The following COX20 variants were observed in gnomAD, a reference collection of about 807,000 sequenced individuals.
The protein encoded by COX20 is cytochrome c oxidase assembly protein COX20, mitochondrial.
In COX20, 14 loss-of-function variants were observed where a neutral mutation model predicts 14.3. That is an observed-to-expected ratio of 0.98 (90% CI 0.65 to 1.53). The LOEUF is 1.53. COX20 is among the 40% of genes most tolerant of loss of function. The pLI is 0.00. For missense variants in COX20, 149 were observed against 142.1 expected, an observed-to-expected ratio of 1.05 and a Z score of -0.25; for synonymous variants, 56 against 51.7, an observed-to-expected ratio of 1.08 and a Z score of -0.36.
At chr1:244,842,493 A>G (rs1012714889) in intron 3 of COX20, 2 of 501,524 alleles carry the variant, frequency 4.0e-6, no homozygotes, top group Admixed American at 3.4e-5. Flanking sequence ...GAAAGCCTCA[A>G]CCATTTCCCT....
intron 1 of COX20, chr1:244,839,946 A>G (rs769232723): frequency 2.0e-5 from 3 of 152,188 alleles, no homozygotes; most frequent in Admixed American, 6.5e-5. Context: ...ATTAAAAAAC[A>G]TGTAGAGAGC....
At chr1:244,835,589 C>T (rs1385084293), upstream of COX20, 2 of 643,230 alleles carry the variant, frequency 3.1e-6, no homozygotes, top group Admixed American at 4.5e-5. Context: ...AAATGGCGGC[C>T]GGCGCGTCGG....
At chr1:244,840,377 C>G (rs1680151469) in intron 1 of COX20, 1 of 152,246 alleles carries the variant, frequency 6.6e-6, no homozygotes, top group Non-Finnish European at 1.5e-5. Context: ...CCCCAGCATC[C>G]CATCCTTGGG....
Position 244,842,077 on chromosome 1 carries a change from T to C in COX20, c.157+19T>C, listed in dbSNP as rs1680226243. ...TTCACTAGTGAGTATCTGTATTTTT[T>C]ATTTCTCTATGTACTAAAAAAAGCA... On this transcript the variant is annotated intron_variant, in intron 2 of 3. Coordinates refer to ENST00000411948, the MANE Select transcript of COX20 (RefSeq NM_198076.6). The C allele has an allele frequency of 1.3e-6, 2 of 1,559,650 alleles. No homozygotes were observed. Among genetic ancestry groups the C allele is most frequent in the Non-Finnish European group, 1.8e-6 (2 of 1,132,514 alleles).
chr1:244,835,582 TGGC>T (rs370216563), upstream of COX20: 41,362 of 582,182 alleles, frequency 0.071, 1,810 homozygotes, highest in Non-Finnish European at 0.085. Flanking sequence ...TTCCCTAAAA[TGGC>T]GGCCGGCGCG....
chr1:244,836,720 CTAATATATACT>C (rs1042109488), intron 1 of COX20, among the ~76,000 whole-genome samples: 2 of 152,106 alleles, frequency 1.3e-5, no homozygotes, highest in African/African-American at 4.8e-5. Flanking sequence ...TAAATGGCTC[CTAATATATACT>C]TAAGATATTC....
In COX20 at chr1:244,842,487, G is replaced by C. The variant is rs1369754609; in HGVS notation, c.221+229G>C. 12 of 504,612 alleles carry C rather than the reference G, an allele frequency of 2.4e-5. No individual in the cohort carries two copies. The East Asian group carries it at 3.5e-4, about 15-fold the overall frequency. 31.3% of individuals were successfully genotyped at this position (504,612 alleles called of 1,614,324 possible). ...TGGTTTTTACACTTCACTTAGGAAA[G>C]CCTCAACCATTTCCCTTACCCTAAT... On this transcript the variant is annotated intron_variant, in intron 3 of 3. Transcript: ENST00000411948.
At chr1:244,835,370 C>T (rs1010680402), upstream of COX20, 13 of 258,150 alleles carry the variant, frequency 5.0e-5, no homozygotes, top group Non-Finnish European at 7.3e-5. Context: ...AGGGGGCTGG[C>T]GCGGGAAGCG....
intron 1 of COX20, chr1:244,836,368 A>T (rs543997759): frequency 2.5e-4 from 199 of 792,870 alleles, no homozygotes; most frequent in Non-Finnish European, 3.8e-4. Context: ...AGCCCATCCT[A>T]TCTCTTTAAG....
At chr1:244,836,023 G>A (rs989383057) in intron 1 of COX20, among the ~76,000 whole-genome samples, 1 of 152,188 alleles carries the variant, frequency 6.6e-6, no homozygotes, top group African/African-American at 2.4e-5. Flanking sequence ...TAACAATACT[G>A]AATCTTTGGC....
At position 244,843,648 on chromosome 1, in the gene COX20, A is replaced by G. The variant is rs887536859; in HGVS notation, c.*472A>G. On this transcript the variant is annotated 3_prime_UTR_variant, in exon 4 of 4. Transcript: ENST00000411948. ...TGCAAATTATTTTTTAAATGCATTCATCATTTGACAGTGTTCTCTCATTTC... is the reference window on the plus strand; with the variant it reads ...TGCAAATTATTTTTTAAATGCATTCGTCATTTGACAGTGTTCTCTCATTTC... 1 of 152,458 alleles carries G rather than the reference A, an allele frequency of 6.6e-6. No individual in the cohort carries two copies. Among genetic ancestry groups the G allele is most frequent in the Non-Finnish European group, 1.5e-5 (1 of 68,218 alleles). 9.4% of individuals were successfully genotyped at this position (152,458 alleles called of 1,614,324 possible).
upstream of COX20, chr1:244,835,359 C>T: frequency 4.3e-6 from 1 of 234,900 alleles, no homozygotes; most frequent in Admixed American, 5.7e-5. Context: ...TGGGGCGGAG[C>T]AGGGGGCTGG....
At chr1:244,841,864 TG>T in intron 1 of COX20, 79 bp from the exon 2 acceptor site, 1 of 790,474 alleles carries the variant, frequency 1.3e-6, no homozygotes, top group Admixed American at 2.4e-5. Context: ...AGAAAAGAAA[TG>T]GTGTATTGTC....
intron 1 of COX20, among the ~76,000 whole-genome samples, chr1:244,837,104 A>AT (rs1342673142): frequency 1.3e-5 from 2 of 151,572 alleles, no homozygotes; most frequent in African/African-American, 4.9e-5. Flanking sequence ...TCCATTGGAA[A>AT]TTAAAAAAAA....
chr1:244,840,014 T>C (rs1300642585), intron 1 of COX20: 1 of 152,208 alleles, frequency 6.6e-6, no homozygotes, highest in Non-Finnish European at 1.5e-5. Flanking sequence ...TCAACCACTA[T>C]TATTTTAGAC....
chr1:244,841,809 TA>T (rs748426787), intron 1 of COX20, 134 bp from the exon 2 acceptor site: 10 of 603,342 alleles, frequency 1.7e-5, no homozygotes, highest in Non-Finnish European at 2.7e-5. Flanking sequence ...CAAGCTGATT[TA>T]GGTTGTCACG....
At chr1:244,836,909 C>G (rs1680006593) in intron 1 of COX20, among the ~76,000 whole-genome samples, 1 of 151,754 alleles carries the variant, frequency 6.6e-6, no homozygotes, top group South Asian at 2.1e-4. Context: ...ACTACTGGTG[C>G]CTTATCTGTT....
At chr1:244,837,929 T>C (rs569934095) in intron 1 of COX20, among the ~76,000 whole-genome samples, 2 of 152,192 alleles carry the variant, frequency 1.3e-5, no homozygotes, top group Non-Finnish European at 2.9e-5. Flanking sequence ...GGACTTATTA[T>C]AGTCATCTGA....
chr1:244,842,827 G>T (rs1025787315), intron 3 of COX20: 3 of 392,520 alleles, frequency 7.6e-6, no homozygotes, highest in African/African-American at 2.1e-5. Context: ...AAATTGTTAT[G>T]TAGACATCCT....
Sources: gnomAD v4.1 joint callset for allele counts (sites outside exome capture counted in the v4.1 genomes callset) on GRCh38, gnomAD v4.1.1 for gene constraint, MANE v1.5 for transcripts, NCBI Gene and HGNC (gene_info 2026-07-23, HGNC 2026-07-21) for gene names.